Variants in DGCR2 observed in about 807,000 individuals in gnomAD.
DGCR2 encodes integral membrane protein DGCR2/IDD.
In DGCR2, 24 loss-of-function variants were observed where a neutral mutation model predicts 51.6. The ratio of observed to expected loss-of-function variants is 0.47; its 90% CI spans 0.34 to 0.65. DGCR2 has a LOEUF of 0.65. Ranked by LOEUF, DGCR2 falls within the 30% of genes least tolerant of loss-of-function variation. DGCR2 has a pLI of 0.01. For missense variants in DGCR2, 765 were observed against 772.1 expected, an observed-to-expected ratio of 0.99 and a Z score of 0.11; for synonymous variants, 340 against 315.4, an observed-to-expected ratio of 1.08 and a Z score of -0.82.
chr22:19,089,221 AAGAC>A lies in DGCR2; in HGVS notation c.202+143_202+146del, dbSNP rs560456563. The A allele has an allele frequency of 2.2e-4, 205 of 941,946 alleles. 1 individual carries two copies. Among genetic ancestry groups the A allele is most frequent in the Admixed American group, 1.4e-3 (47 of 32,676 alleles). 58.3% of individuals were successfully genotyped at this position (941,946 alleles called of 1,614,324 possible). A position where few individuals can be genotyped will look rare whatever the true frequency, so the allele number is the denominator to read the frequency against. On this transcript the variant is annotated intron_variant, in intron 2 of 9. Transcript: ENST00000263196. ...GGCACTTATTTTTTAAAAAGACAGA[AAGAC>A]AGAGAGAGAGGAAGGGGTCGGCTCA...
chr22:19,039,745 C>T (rs1037062474), intron 9 of DGCR2, among the ~76,000 whole-genome samples: 1 of 152,094 alleles, frequency 6.6e-6, no homozygotes, highest in Non-Finnish European at 1.5e-5. Flanking sequence ...GAGACAGGAT[C>T]TTAAAAGATT....
intron 1 of DGCR2, among the ~76,000 whole-genome samples, chr22:19,095,737 C>CTTT (rs144845329): frequency 0.017 from 2,497 of 149,664 alleles, 84 homozygotes; most frequent in East Asian, 0.063. Context: ...CTCAATAAGG[C>CTTT]TTTTTTTAAC....
At chr22:19,082,054 GGTT>G (rs201147192) in intron 2 of DGCR2, among the ~76,000 whole-genome samples, 16,911 of 116,494 alleles carry the variant, frequency 0.15, 995 homozygotes, top group Middle Eastern at 0.18. Context: ...TGTTTTTTGG[GGTT>G]TTTTTTGTTT....
chr22:19,101,708 TC>T (rs796233301), intron 1 of DGCR2, among the ~76,000 whole-genome samples: 7 of 134,094 alleles, frequency 5.2e-5, no homozygotes, highest in African/African-American at 2.1e-4. Context: ...GCCATTGCAC[TC>T]CAGCCTGGGC....
intron 5 of DGCR2, chr22:19,061,175 C>G (rs2238741): frequency 0.47 from 94,084 of 201,340 alleles, 23,907 homozygotes; most frequent in African/African-American, 0.68. Flanking sequence ...ACCCCAATGA[C>G]CCCTCTGCTT....
At chr22:19,049,588 AG>A (rs1707322235) in intron 6 of DGCR2, among the ~76,000 whole-genome samples, 1 of 152,316 alleles carries the variant, frequency 6.6e-6, no homozygotes, top group South Asian at 2.1e-4. Flanking sequence ...GCACTTTGGG[AG>A]GCCGAGGCAG....
intron 6 of DGCR2, chr22:19,056,398 C>A: frequency 2.2e-6 from 1 of 447,762 alleles, no homozygotes; most frequent in South Asian, 2.6e-5. Context: ...TCCGCAAGAA[C>A]AAAGCCTCTC....
rs200929962 is a variant in DGCR2, at chr22:19,063,227, T to C, written c.600A>G (p.Glu200=). 6.2e-7 allele frequency: 1 copy of C among 1,614,184 alleles called. No homozygotes were observed. ...CTTTGAATGCCACCTCCCAGCGACC[T>C]TCCAAGGAGCGGTTCCGGCCAGTGA... ...YVITGRNRSL[E]GRWEVAFKGS... is the part of the protein sequence containing the mutation. The change falls in exon 5 of 10, where the codon GAA becomes GAG. Residue 200 remains glutamate, a synonymous_variant. Transcript: ENST00000263196.
rs2082621248 is a variant in DGCR2, at chr22:19,057,931, C to G, written c.626-769G>C. 6.6e-6 allele frequency among the ~76,000 whole-genome samples: 1 copy of G among 152,168 alleles called. No homozygotes were observed. Among genetic ancestry groups the G allele is most frequent in the South Asian group, 2.1e-4 (1 of 4,824 alleles). On this transcript the variant is annotated intron_variant, in intron 5 of 9. Transcript: ENST00000263196. This position sits in a 1 kb window ranked among gnomAD's most constrained non-coding sequence, Gnocchi z 5.1. ...GGCCCCACTCTCTCCCCTGCACGGCCCTTCCAGTCTGGGCTGCCAAGATTC... is the reference window on the plus strand; with the variant it reads ...GGCCCCACTCTCTCCCCTGCACGGCGCTTCCAGTCTGGGCTGCCAAGATTC...
rs202086192 is a variant in DGCR2, at chr22:19,041,303, T to C, written c.1160-9A>G. ...GAGGTTGAAGTGGTGCACTGGGCCA[T>C]CAAAAGTGTGCAACGGGAACAGAGA... On this transcript the variant is annotated splice_polypyrimidine_tract_variant and intron_variant, in intron 8 of 9. Coordinates refer to ENST00000263196, the MANE Select transcript of DGCR2 (RefSeq NM_005137.3). 6.2e-7 allele frequency: 1 copy of C among 1,612,752 alleles called. No homozygotes were observed. The highest frequency in any genetic ancestry group is 1.3e-5 in the African/African-American group (1 of 75,006).
rs1381009588 is a variant in DGCR2, at chr22:19,038,780, CAG to C, written c.*83_*84del. The stretch of plus-strand genomic sequence containing the variant: ...GCAGTGCGTGGCGTCCAGGCTGGGA[CAG>C]GGGCCTTTCAAGTCTCCCCAGGGAC... On this transcript the variant is annotated 3_prime_UTR_variant, in exon 10 of 10. Transcript: ENST00000263196. 3.9e-6 allele frequency: 6 copies of C among 1,541,890 alleles called. No individual in the cohort carries two copies. The highest frequency in any genetic ancestry group is 5.3e-6 in the Non-Finnish European group (6 of 1,135,348).
At chr22:19,043,702 AC>A (rs5844369) in intron 7 of DGCR2, among the ~76,000 whole-genome samples, 37,811 of 151,628 alleles carry the variant, frequency 0.25, 5,237 homozygotes, top group Middle Eastern at 0.39. Flanking sequence ...GGCAGGCAGG[AC>A]CCCTACTGCC....
At chr22:19,108,023 C>G (rs890389434) in intron 1 of DGCR2, among the ~76,000 whole-genome samples, 9 of 152,136 alleles carry the variant, frequency 5.9e-5, no homozygotes, top group Admixed American at 2.0e-4. Flanking sequence ...TCATTTGCTC[C>G]TTCCATGAAC....
chr22:19,051,900 C>T (rs1477124940), intron 6 of DGCR2, among the ~76,000 whole-genome samples: 1 of 152,144 alleles, frequency 6.6e-6, no homozygotes, highest in East Asian at 1.9e-4. Context: ...ATCTGCATAC[C>T]TAACAGAAGG....
At chr22:19,039,728 CTTTT>C (rs1197070379) in intron 9 of DGCR2, among the ~76,000 whole-genome samples, 2 of 147,614 alleles carry the variant, frequency 1.4e-5, no homozygotes, top group Admixed American at 6.6e-5. Flanking sequence ...CTTTTTTTTT[CTTTT>C]AAGAGACAGG....
At chr22:19,068,284 G>A (rs1028774459) in intron 2 of DGCR2, 59 bp from the exon 3 acceptor site, 38 of 1,506,410 alleles carry the variant, frequency 2.5e-5, no homozygotes, top group Non-Finnish European at 3.4e-5. Flanking sequence ...AGTCTCCCTG[G>A]CCAGCATGGT....
intron 5 of DGCR2, among the ~76,000 whole-genome samples, chr22:19,059,261 C>A (rs1030882553): frequency 9.2e-5 from 14 of 152,020 alleles, no homozygotes; most frequent in Non-Finnish European, 1.8e-4. Context: ...GGCCAGGAGA[C>A]CAGACAGAGG....
chr22:19,083,098 A>G (rs1229034014), intron 2 of DGCR2, among the ~76,000 whole-genome samples: 1 of 152,088 alleles, frequency 6.6e-6, no homozygotes, highest in African/African-American at 2.4e-5. Flanking sequence ...AAAAAAAAAA[A>G]AAAGAAAAAG....
intron 2 of DGCR2, among the ~76,000 whole-genome samples, chr22:19,087,230 C>G (rs1428790032): frequency 6.6e-6 from 1 of 152,106 alleles, no homozygotes; most frequent in Non-Finnish European, 1.5e-5. Flanking sequence ...CAAAGACCCA[C>G]CAGAGAGGCT....
Sources: allele counts gnomAD v4.1 joint callset (sites outside exome capture counted in the v4.1 genomes callset), GRCh38; gene constraint gnomAD v4.1.1; non-coding constraint Gnocchi (gnomAD v3.1); transcripts MANE v1.5; gene names NCBI Gene and HGNC (gene_info 2026-07-23, HGNC 2026-07-21).